The following EEF2K variants were observed in gnomAD, a reference collection of about 807,000 sequenced individuals.
EEF2K encodes alternative protein EEF2K.
Under a neutral mutation model 93.8 loss-of-function variants are expected in EEF2K, and 70 were observed. That is an observed-to-expected ratio of 0.75 (90% CI 0.62 to 0.91). The LOEUF is 0.91. EEF2K is among the 40% of genes least tolerant of loss of function. The pLI is 0.00. For synonymous variants in EEF2K, 376 were observed against 380.8 expected, an observed-to-expected ratio of 0.99 and a Z score of 0.15; for missense variants, 935 against 972.9, an observed-to-expected ratio of 0.96 and a Z score of 0.52.
intron 6 of EEF2K, 94 bp downstream of exon 6, chr16:22,251,416 C>CTT (rs113591855): frequency 5.0e-3 from 5,573 of 1,119,260 alleles, no homozygotes; most frequent in Middle Eastern, 6.6e-3. Flanking sequence ...ATTTCACCTT[C>CTT]TTTTTTTTTT....
intron 1 of EEF2K, among the ~76,000 whole-genome samples, chr16:22,215,057 G>A (rs1012101953): frequency 1.3e-5 from 2 of 152,138 alleles, no homozygotes; most frequent in Non-Finnish European, 2.9e-5. Flanking sequence ...ATAGGTTGTG[G>A]AATGCGACCA....
rs144226888 is a variant in EEF2K, at chr16:22,228,806, G to A, written c.246+2831G>A. ...GAAAACAGGAATTACAGAAATACGCGGGGGTCTGGAGGCAGGCAATAAGCT... is the reference window on the plus strand; with the variant it reads ...GAAAACAGGAATTACAGAAATACGCAGGGGTCTGGAGGCAGGCAATAAGCT... On this transcript the variant is annotated intron_variant, in intron 2 of 17. Coordinates refer to ENST00000263026, the MANE Select transcript of EEF2K (RefSeq NM_013302.5). Among the ~76,000 whole-genome samples, 5 of 152,288 alleles carry A rather than the reference G, an allele frequency of 3.3e-5. No homozygotes were observed. In the East Asian group the frequency reaches 7.7e-4, roughly 23 times the overall value.
intron 16 of EEF2K, among the ~76,000 whole-genome samples, chr16:22,274,010 A>G (rs1209365061): frequency 6.6e-6 from 1 of 152,184 alleles, no homozygotes; most frequent in Non-Finnish European, 1.5e-5. Context: ...CCTGGCACAT[A>G]AAGCATGTGG....
intron 1 of EEF2K, among the ~76,000 whole-genome samples, chr16:22,224,370 C>T (rs967283999): frequency 6.6e-6 from 1 of 150,890 alleles, no homozygotes; most frequent in Admixed American, 6.6e-5. Context: ...ATGAAGCATG[C>T]CTGTAATCCC....
chr16:22,225,374 G>A (rs2047052352), intron 1 of EEF2K, among the ~76,000 whole-genome samples: 1 of 152,204 alleles, frequency 6.6e-6, no homozygotes, highest in Admixed American at 6.5e-5. Context: ...TCTAATTGAT[G>A]TGCTAAAAAG....
At chr16:22,238,536 C>T (rs1163037684) in intron 2 of EEF2K, among the ~76,000 whole-genome samples, 2 of 151,776 alleles carry the variant, frequency 1.3e-5, no homozygotes, top group Admixed American at 1.3e-4. Context: ...GTCCCAGCTA[C>T]CTGGGAGGCT....
rs993026024 is a variant in EEF2K, at chr16:22,283,874, T to G, written c.2069-13T>G. ...TGGTTCACCTCTTTTTGCCCCCCTT[T>G]GCTGTCTTTCAGGGGACTTGTATAC... On this transcript the variant is annotated splice_polypyrimidine_tract_variant and intron_variant, in intron 17 of 17. Coordinates refer to ENST00000263026, the MANE Select transcript of EEF2K (RefSeq NM_013302.5). The G allele has an allele frequency of 1.3e-6, 2 of 1,575,938 alleles. No homozygotes were observed. The highest frequency in any genetic ancestry group is 1.7e-6 in the Non-Finnish European group (2 of 1,160,602).
rs375118137 is a variant in EEF2K at position 22,257,728 on chromosome 16, G to T, written c.987G>T (p.Ser329=). 1.9e-6 allele frequency: 3 copies of T among 1,613,842 alleles called. No individual in the cohort carries two copies. The highest frequency in any genetic ancestry group is 2.5e-6 in the Non-Finnish European group (3 of 1,180,036). The change falls in exon 9 of 18, where the codon TCG becomes TCT. Residue 329 remains serine (S), a synonymous_variant. Coordinates refer to ENST00000263026, the MANE Select transcript of EEF2K (RefSeq NM_013302.5). ...TGGGCCTTGCTCCCTTTGACCTCTC[G>T]CCCCGGGAGAGGGATGCAGTGAATC... ...ESMGLAPFDL[S]PRERDAVNQN...
At chr16:22,246,730 C>T (rs1224853218) in intron 3 of EEF2K, among the ~76,000 whole-genome samples, 1 of 151,644 alleles carries the variant, frequency 6.6e-6, no homozygotes. Context: ...CTTGTTGTCT[C>T]CTTAAGCAAG....
intron 2 of EEF2K, among the ~76,000 whole-genome samples, chr16:22,233,199 A>G (rs1216939572): frequency 6.6e-6 from 1 of 152,184 alleles, no homozygotes; most frequent in African/African-American, 2.4e-5. Context: ...TGAAACTCGC[A>G]CGTACACATA....
chr16:22,251,108 C>T (rs1489900874), intron 5 of EEF2K, 43 bp from the exon 6 acceptor site: 1 of 1,587,632 alleles, frequency 6.3e-7, no homozygotes, highest in Admixed American at 1.7e-5. Flanking sequence ...CCCTGGTGAA[C>T]CCCAGAGTAC....
chr16:22,227,909 C>CTCA (rs2047078571), intron 2 of EEF2K, among the ~76,000 whole-genome samples: 1 of 140,630 alleles, frequency 7.1e-6, no homozygotes, highest in Admixed American at 7.5e-5. Flanking sequence ...CCAGCCTGGT[C>CTCA]AACATAGGAA....
chr16:22,207,673 G>C (rs554322187), intron 1 of EEF2K, among the ~76,000 whole-genome samples: 1 of 152,246 alleles, frequency 6.6e-6, no homozygotes, highest in African/African-American at 2.4e-5. Context: ...ACAGCGAATT[G>C]AGTCACGTAG....
At position 22,262,168 on chromosome 16, in the gene EEF2K, T is replaced by C. The variant is rs374395063; in HGVS notation, c.1300-942T>C. 1.8e-4 allele frequency among the ~76,000 whole-genome samples: 27 copies of C among 152,190 alleles called. 1 individual carries two copies. Among genetic ancestry groups the C allele is most frequent in the East Asian group, 1.7e-3 (9 of 5,170 alleles). On this transcript the variant is annotated intron_variant, in intron 11 of 17. Transcript: ENST00000263026. ...GGCTGAAGTTTTAGAGATTCTAAAT[T>C]ATACCAGATTCGCTTTCAGAACAGA...
intron 2 of EEF2K, among the ~76,000 whole-genome samples, chr16:22,243,057 G>A (rs879384628): frequency 1.8e-4 from 27 of 151,172 alleles, no homozygotes; most frequent in Non-Finnish European, 3.5e-4. Flanking sequence ...GTGAGACCCC[G>A]TCTCTTGAAA....
chr16:22,279,664 G>A (rs376157094), intron 16 of EEF2K, among the ~76,000 whole-genome samples: 2 of 151,720 alleles, frequency 1.3e-5, no homozygotes, highest in South Asian at 4.2e-4. Context: ...GTAGAGACAC[G>A]GTCTCTCTAC....
intron 5 of EEF2K, 98 bp downstream of exon 5, chr16:22,250,789 A>C (rs1445401226): frequency 4.7e-6 from 7 of 1,505,054 alleles, no homozygotes; most frequent in Non-Finnish European, 6.4e-6. Context: ...GAATGGAGCC[A>C]GGGGCCTCTG....
chr16:22,263,276 A>G (rs769877123), intron 12 of EEF2K, 89 bp downstream of exon 12: 11 of 1,192,606 alleles, frequency 9.2e-6, no homozygotes, highest in Non-Finnish European at 1.2e-5. Flanking sequence ...TGGAGGGGGA[A>G]TATGAGTGGG....
intron 2 of EEF2K, among the ~76,000 whole-genome samples, chr16:22,232,220 T>C (rs949656913): frequency 4.6e-5 from 7 of 151,964 alleles, no homozygotes; most frequent in Non-Finnish European, 1.0e-4. Flanking sequence ...AGAACCCAGC[T>C]TTAATTTTTA....
Sources: allele counts gnomAD v4.1 joint callset (sites outside exome capture counted in the v4.1 genomes callset), GRCh38; gene constraint gnomAD v4.1.1; transcripts MANE v1.5; gene names NCBI Gene and HGNC (gene_info 2026-07-23, HGNC 2026-07-21).